Variants in BMPER observed in about 807,000 individuals in gnomAD.
The protein encoded by BMPER is BMP-binding endothelial regulator protein.
Under a neutral mutation model 87.3 loss-of-function variants are expected in BMPER, and 45 were observed. That is an observed-to-expected ratio of 0.52 (90% CI 0.41 to 0.66). The LOEUF (loss-of-function observed/expected upper bound fraction) is 0.66, where lower values mean the gene tolerates loss of function less well. Among genes scored for constraint, BMPER ranks in the 30% least tolerant of loss-of-function variants. The pLI, the probability that BMPER is intolerant of heterozygous loss-of-function variation, is 0.00. For missense variants in BMPER, 784 were observed against 867.5 expected, an observed-to-expected ratio of 0.90 and a Z score of 1.21; for synonymous variants, 326 against 316.2, an observed-to-expected ratio of 1.03 and a Z score of -0.33.
chr7:34,127,168 C>G (rs571692655), intron 13 of BMPER, among the ~76,000 whole-genome samples: 5 of 152,190 alleles, frequency 3.3e-5, no homozygotes, highest in Admixed American at 3.3e-4. Flanking sequence ...TGAGAGAACC[C>G]GTTGGTGGGC....
At chr7:34,094,503 A>G (rs1326466638) in intron 13 of BMPER, among the ~76,000 whole-genome samples, 2 of 152,244 alleles carry the variant, frequency 1.3e-5, no homozygotes, top group African/African-American at 2.4e-5. Flanking sequence ...CAGGTCCCAC[A>G]CTGGACAGGG....
intron 3 of BMPER, among the ~76,000 whole-genome samples, chr7:33,953,586 A>G (rs916803514): frequency 6.6e-6 from 1 of 152,190 alleles, no homozygotes; most frequent in Non-Finnish European, 1.5e-5. Context: ...GACCAAATGA[A>G]TCATAATCCC....
chr7:34,025,279 T>C (rs1027889453), intron 6 of BMPER, among the ~76,000 whole-genome samples: 2 of 152,210 alleles, frequency 1.3e-5, no homozygotes, highest in African/African-American at 4.8e-5. Context: ...TTTTTAAATA[T>C]ACATTTTCAT....
At chr7:34,104,445 T>C (rs1054736494) in intron 13 of BMPER, among the ~76,000 whole-genome samples, 12 of 152,244 alleles carry the variant, frequency 7.9e-5, no homozygotes, top group African/African-American at 2.7e-4. Context: ...AACTGAATTC[T>C]AACTTTGGCT....
rs115518228 is a variant in BMPER, at chr7:33,951,936, G to C, written c.320-14543G>C. 8.2e-3 allele frequency among the ~76,000 whole-genome samples: 1,247 copies of C among 152,184 alleles called. 20 individuals are homozygous for C. The highest frequency in any genetic ancestry group is 0.028 in the African/African-American group (1,144 of 41,514). Reference sequence around the variant, plus strand: ...ACTGAATGTCTACCAACGAGTTCTAGGCCCTTGATATTTTATTGTTCCTTC... The same window carrying C: ...ACTGAATGTCTACCAACGAGTTCTACGCCCTTGATATTTTATTGTTCCTTC... On this transcript the variant is annotated intron_variant, in intron 3 of 14. Transcript: ENST00000649409.
At chr7:33,965,005 C>G (rs1439107268) in intron 3 of BMPER, among the ~76,000 whole-genome samples, 1 of 152,142 alleles carries the variant, frequency 6.6e-6, no homozygotes, top group African/African-American at 2.4e-5. Flanking sequence ...TGGCACGTCT[C>G]TTGTAAGCGC....
chr7:34,042,336 C>T (rs915697666), intron 6 of BMPER, among the ~76,000 whole-genome samples: 1 of 152,110 alleles, frequency 6.6e-6, no homozygotes, highest in Non-Finnish European at 1.5e-5. Flanking sequence ...CACACAAGTA[C>T]AATGAAAGTT....
At chr7:34,015,644 GAGCA>G (rs1227623459) in intron 6 of BMPER, among the ~76,000 whole-genome samples, 1 of 151,910 alleles carries the variant, frequency 6.6e-6, no homozygotes, top group Non-Finnish European at 1.5e-5. Flanking sequence ...CTATGCAGTT[GAGCA>G]CATGAAAAAC....
At position 34,085,976 on chromosome 7, in the gene BMPER, T is replaced by C. The variant is rs150450201; in HGVS notation, c.1629T>C (p.Pro543=). 343 of 1,614,126 alleles carry C rather than the reference T, an allele frequency of 2.1e-4. 1 individual carries two copies. The African/African-American group carries it at 3.4e-3, about 16-fold the overall frequency. ...ACAGACCTCAGAGAAAGCCAGTGCC[T>C]GAACTGTGTCAAGGGACAGTCAAGG... The part of the protein sequence containing the change: ...FCNRPQRKPV[P]ELCQGTVKVK... The change falls in exon 13 of 15, where the codon CCT becomes CCC. Residue 543 remains proline, a synonymous_variant. Coordinates refer to ENST00000649409, the MANE Select transcript of BMPER (RefSeq NM_001365308.1).
chr7:33,955,613 T>G (rs1785130217), intron 3 of BMPER, among the ~76,000 whole-genome samples: 1 of 152,332 alleles, frequency 6.6e-6, no homozygotes, highest in African/African-American at 2.4e-5. Context: ...TGAAAGAGGC[T>G]TCTCAATGAG....
intron 13 of BMPER, among the ~76,000 whole-genome samples, chr7:34,092,246 C>A (rs1789406550): frequency 1.3e-5 from 2 of 152,188 alleles, no homozygotes; most frequent in South Asian, 4.1e-4. Flanking sequence ...TTGCACAAGT[C>A]TATTTGCAAC....
intron 6 of BMPER, among the ~76,000 whole-genome samples, chr7:34,037,217 A>G (rs1787700472): frequency 6.6e-6 from 1 of 152,166 alleles, no homozygotes; most frequent in Non-Finnish European, 1.5e-5. Context: ...AAACAAACAA[A>G]AAAGGGATTA....
intron 3 of BMPER, among the ~76,000 whole-genome samples, chr7:33,941,263 C>T (rs894674314): frequency 2.1e-5 from 3 of 143,700 alleles, no homozygotes; most frequent in Admixed American, 7.3e-5. Context: ...ATATATGTAA[C>T]TTAATACACA....
intron 6 of BMPER, among the ~76,000 whole-genome samples, chr7:34,028,579 T>C (rs888298493): frequency 5.0e-5 from 7 of 139,208 alleles, no homozygotes; most frequent in Non-Finnish European, 9.3e-5. Flanking sequence ...CTAGTTTACA[T>C]ACAGTCCAAA....
chr7:33,912,379 A>G (rs559701742), intron 2 of BMPER, among the ~76,000 whole-genome samples: 82 of 152,226 alleles, frequency 5.4e-4, no homozygotes, highest in African/African-American at 2.0e-3. Flanking sequence ...TTTGTTGCCT[A>G]CTTACTCAAT....
intron 6 of BMPER, among the ~76,000 whole-genome samples, chr7:34,031,927 T>TATATATAC (rs767536977): frequency 2.7e-4 from 15 of 55,446 alleles, no homozygotes; most frequent in East Asian, 6.4e-4. Context: ...TATATATATA[T>TATATATAC]ACACACACAC....
intron 4 of BMPER, among the ~76,000 whole-genome samples, chr7:33,970,107 G>C (rs1168518561): frequency 6.6e-6 from 1 of 152,206 alleles, no homozygotes; most frequent in Non-Finnish European, 1.5e-5. Context: ...AGAAAGCAAA[G>C]ACGGGGGAAA....
chr7:33,908,656 T>C (rs942866707), intron 2 of BMPER, among the ~76,000 whole-genome samples: 1 of 152,252 alleles, frequency 6.6e-6, no homozygotes, highest in African/African-American at 2.4e-5. Flanking sequence ...GGTTTATTTA[T>C]GTCTTCAACA....
intron 11 of BMPER, among the ~76,000 whole-genome samples, chr7:34,062,427 C>T (rs770893208): frequency 2.6e-5 from 4 of 152,146 alleles, no homozygotes; most frequent in Non-Finnish European, 4.4e-5. Flanking sequence ...TTTCCTTCTC[C>T]CATTATAAAG....
Sources: allele counts gnomAD v4.1 joint callset (sites outside exome capture counted in the v4.1 genomes callset), GRCh38; gene constraint gnomAD v4.1.1; transcripts MANE v1.5; gene names NCBI Gene and HGNC (gene_info 2026-07-23, HGNC 2026-07-21).